CTNND2: variants seen among roughly 807,000 people sequenced by gnomAD.
CTNND2 encodes the protein catenin delta-2.
Under a neutral mutation model 144.4 loss-of-function variants are expected in CTNND2, and 22 were observed. That is an observed-to-expected ratio of 0.15 (90% CI 0.11 to 0.22). The LOEUF (loss-of-function observed/expected upper bound fraction) is 0.22. Among genes scored for constraint, CTNND2 ranks in the 10% least tolerant of loss-of-function variants. The pLI is 1.00. For synonymous variants in CTNND2, 751 were observed against 695.6 expected (o/e 1.08, Z -1.25); for missense variants, 1,353 against 1,618.8 (o/e 0.84, Z 2.82).
chr5:11,533,472 C>T (rs915258885), intron 3 of CTNND2, among the ~76,000 whole-genome samples: 4 of 152,190 alleles, frequency 2.6e-5, no homozygotes, highest in African/African-American at 9.6e-5. Context: ...AGTCACTGGA[C>T]CTCAGGCAGC....
chr5:11,113,572 A>G (rs1205087792), intron 13 of CTNND2, among the ~76,000 whole-genome samples: 6 of 152,200 alleles, frequency 3.9e-5, no homozygotes, highest in East Asian at 1.9e-4. Flanking sequence ...AAAATATCCA[A>G]TTTTAGAAGG....
At chr5:11,419,035 G>A (rs1044243103) in intron 3 of CTNND2, among the ~76,000 whole-genome samples, 3 of 129,688 alleles carry the variant, frequency 2.3e-5, no homozygotes, top group East Asian at 2.2e-4. Flanking sequence ...TCTATATATA[G>A]ATATATAGAT....
chr5:11,450,921 A>AT (rs1181053067), intron 3 of CTNND2, among the ~76,000 whole-genome samples: 24 of 151,044 alleles, frequency 1.6e-4, no homozygotes, highest in Admixed American at 2.6e-4. Context: ...AAAAAAAAAA[A>AT]AATGTGTTCC....
chr5:11,299,358 G>A (rs945908450), intron 9 of CTNND2, among the ~76,000 whole-genome samples: 5 of 152,190 alleles, frequency 3.3e-5, no homozygotes, highest in East Asian at 1.9e-4. Flanking sequence ...TACTGCCATC[G>A]CCTTTTACCA....
chr5:11,453,310 C>T (rs1765450200), intron 3 of CTNND2, among the ~76,000 whole-genome samples: 1 of 152,198 alleles, frequency 6.6e-6, no homozygotes. Flanking sequence ...AGACTAAAAT[C>T]CATGTTATCA....
intron 6 of CTNND2, among the ~76,000 whole-genome samples, chr5:11,392,685 C>T (rs1023780803): frequency 1.3e-5 from 2 of 152,144 alleles, no homozygotes; most frequent in Admixed American, 6.5e-5. Context: ...GAGAGTCATC[C>T]TAAAACTATC....
At chr5:11,248,075 A>G (rs1240032222) in intron 9 of CTNND2, among the ~76,000 whole-genome samples, 1 of 152,220 alleles carries the variant, frequency 6.6e-6, no homozygotes, top group Non-Finnish European at 1.5e-5. Flanking sequence ...GAAAATGTTT[A>G]TGTTCACCAC....
intron 2 of CTNND2, among the ~76,000 whole-genome samples, chr5:11,653,070 CGTGTGTGTGTGT>C (rs58056553): frequency 0.025 from 3,524 of 143,552 alleles, 53 homozygotes; most frequent in East Asian, 0.054. Flanking sequence ...GAACAAAATT[CGTGTGTGTGTGT>C]GTGTGTGTGT....
intron 9 of CTNND2, among the ~76,000 whole-genome samples, chr5:11,263,915 G>C (rs935600594): frequency 6.6e-6 from 1 of 152,186 alleles, no homozygotes; most frequent in Admixed American, 6.5e-5. Flanking sequence ...CAGTGGATTA[G>C]GGTCTCCTTT....
chr5:11,432,121 C>CTTT (rs5865940), intron 3 of CTNND2, among the ~76,000 whole-genome samples: 1,913 of 78,236 alleles, frequency 0.024, 74 homozygotes, highest in African/African-American at 0.076. Flanking sequence ...GAGGTTGAGG[C>CTTT]TTTTTTTTTT....
chr5:11,382,595 C>CTA (rs1554046368), intron 7 of CTNND2, among the ~76,000 whole-genome samples: 2 of 130,148 alleles, frequency 1.5e-5, no homozygotes, highest in East Asian at 4.4e-4. Context: ...GAGTGAGACT[C>CTA]TGTGTGTGTG....
intron 2 of CTNND2, among the ~76,000 whole-genome samples, chr5:11,670,875 G>A (rs1176171273): frequency 6.6e-6 from 1 of 152,092 alleles, no homozygotes; most frequent in Non-Finnish European, 1.5e-5. Context: ...TAGTGTCAAT[G>A]GTCTTTACAA....
chr5:11,428,189 C>G (rs992162041), intron 3 of CTNND2, among the ~76,000 whole-genome samples: 2 of 152,138 alleles, frequency 1.3e-5, no homozygotes, highest in African/African-American at 4.8e-5. Flanking sequence ...ACAGCCAAAC[C>G]ATATCAACCC....
intron 3 of CTNND2, among the ~76,000 whole-genome samples, chr5:11,446,524 T>A (rs762240704): frequency 6.6e-6 from 1 of 152,166 alleles, no homozygotes; most frequent in Non-Finnish European, 1.5e-5. Context: ...CCTTCACATG[T>A]CTTCAAGAGT....
intron 10 of CTNND2, among the ~76,000 whole-genome samples, chr5:11,227,878 A>G (rs1314134869): frequency 6.6e-6 from 1 of 151,908 alleles, no homozygotes; most frequent in Non-Finnish European, 1.5e-5. Flanking sequence ...CATGAGTTCT[A>G]AGTGGGTATG....
rs73055780 is a variant in CTNND2 at position 11,303,108 on chromosome 5, C to T, written c.1628+43264G>A. Among the ~76,000 whole-genome samples, 1,221 of 152,284 alleles carry T rather than the reference C, an allele frequency of 8.0e-3. 5 individuals are homozygous for T. Among genetic ancestry groups the T allele is most frequent in the African/African-American group, 0.027 (1,119 of 41,560 alleles). ...TAAGACTGTGAACATAATCAAGCCA[C>T]GGGTTGCCTCAGAAACTTCCTTTCT... On this transcript the variant is annotated intron_variant, in intron 9 of 21. Coordinates refer to ENST00000304623, the MANE Select transcript of CTNND2 (RefSeq NM_001332.4).
chr5:11,331,793 CAG>C (rs952080194), intron 9 of CTNND2, among the ~76,000 whole-genome samples: 2 of 151,996 alleles, frequency 1.3e-5, no homozygotes, highest in Non-Finnish European at 2.9e-5. Context: ...GAGGGATGGG[CAG>C]AGATTGGTCA....
intron 2 of CTNND2, among the ~76,000 whole-genome samples, chr5:11,731,110 A>C (rs894701159): frequency 1.3e-5 from 2 of 152,238 alleles, no homozygotes; most frequent in Non-Finnish European, 2.9e-5. Context: ...AAACTAGAGT[A>C]TCCACTCAAT....
chr5:11,733,434 C>T (rs763806926), intron 1 of CTNND2, among the ~76,000 whole-genome samples: 1 of 152,120 alleles, frequency 6.6e-6, no homozygotes, highest in Non-Finnish European at 1.5e-5. Flanking sequence ...TCACAGAAGT[C>T]TTCTGTGTTT....
Sources: allele counts gnomAD v4.1 joint callset (sites outside exome capture counted in the v4.1 genomes callset), GRCh38; gene constraint gnomAD v4.1.1; transcripts MANE v1.5; gene names NCBI Gene and HGNC (gene_info 2026-07-23, HGNC 2026-07-21).